The following CPA5 variants were observed in gnomAD, a reference collection of about 807,000 sequenced individuals.
CPA5 encodes carboxypeptidase A5.
In CPA5, 38 loss-of-function variants were observed where a neutral mutation model predicts 52.2. That is an observed-to-expected ratio of 0.73 (90% CI 0.56 to 0.95). CPA5 has a LOEUF of 0.95. Ranked by LOEUF, CPA5 falls within the 40% of genes least tolerant of loss-of-function variation. The pLI is 0.00. For synonymous variants in CPA5, 198 were observed against 213.7 expected (o/e 0.93, Z 0.64); for missense variants, 519 against 566.7 (o/e 0.92, Z 0.86).
downstream of CPA5, among the ~76,000 whole-genome samples, chr7:130,369,229 A>G (rs1398147279): frequency 2.0e-5 from 3 of 152,194 alleles, no homozygotes; most frequent in African/African-American, 7.2e-5. Flanking sequence ...AGCTAGTCAG[A>G]GCCAGCACAT....
chr7:130,363,342 A>T (rs1554407308), intron 9 of CPA5, 77 bp from the exon 10 acceptor site: 4 of 1,258,070 alleles, frequency 3.2e-6, no homozygotes, highest in Non-Finnish European at 4.5e-6. Context: ...CCCTACCCCC[A>T]TAGGCCAGGA....
chr7:130,347,351 C>T lies in CPA5; in HGVS notation c.117-415C>T, dbSNP rs566164365. Among the ~76,000 whole-genome samples the T allele has an allele frequency of 2.5e-4, 38 of 152,316 alleles. No homozygotes were observed. The South Asian group carries it at 4.6e-3, about 18-fold the overall frequency. ...ACAGACCATGGCCTTGGGGCCCCCT[C>T]GCGAAGAGCCCTTGGGGCCACACTG... On this transcript the variant is annotated intron_variant, in intron 3 of 12. Coordinates refer to ENST00000474905, the MANE Select transcript of CPA5 (RefSeq NM_080385.5).
intron 4 of CPA5, 64 bp from the exon 5 acceptor site, chr7:130,349,911 A>G: frequency 6.5e-7 from 1 of 1,532,668 alleles, no homozygotes; most frequent in African/African-American, 1.4e-5. Flanking sequence ...CTCTGTGGTC[A>G]CCTACAGGAT....
chr7:130,360,992 T>C lies in CPA5; in HGVS notation c.433-151T>C. ...CTGAGGGAGTGCTCTATTTTTGCAA[T>C]TCTTTATCTGGGTTCTTTTAGACCC... is the stretch of plus-strand genomic sequence containing the variant. On this transcript the variant is annotated intron_variant, in intron 6 of 12. Coordinates refer to ENST00000474905, the MANE Select transcript of CPA5 (RefSeq NM_080385.5). The C allele has an allele frequency of 5.0e-6, 3 of 596,434 alleles. No homozygotes were observed. In the South Asian group the frequency reaches 6.2e-5, roughly 12 times the overall value. The allele number at this position is 596,434 out of a possible 1,614,324, so 36.9% of individuals were successfully genotyped here. A position where few individuals can be genotyped will look rare whatever the true frequency, so the allele number is the denominator to read the frequency against.
chr7:130,364,221 C>T (rs1447221728), intron 10 of CPA5, among the ~76,000 whole-genome samples: 2 of 152,066 alleles, frequency 1.3e-5, no homozygotes, highest in Non-Finnish European at 2.9e-5. Context: ...GAGACTGAGT[C>T]TTGCTCCATT....
intron 5 of CPA5, among the ~76,000 whole-genome samples, chr7:130,351,895 G>C (rs1795168165): frequency 6.6e-6 from 1 of 152,110 alleles, no homozygotes; most frequent in African/African-American, 2.4e-5. Context: ...TTGCTCGGTT[G>C]GGGAGTTCAG....
At chr7:130,359,464 T>C (rs1795671668) in intron 5 of CPA5, 125 bp from the exon 6 acceptor site, 1 of 656,440 alleles carries the variant, frequency 1.5e-6, no homozygotes, top group East Asian at 2.8e-5. Context: ...CAGTTCACAC[T>C]CATGGTGGCT....
At chr7:130,354,553 CT>C (rs1554404766) in intron 5 of CPA5, among the ~76,000 whole-genome samples, 2 of 151,824 alleles carry the variant, frequency 1.3e-5, no homozygotes, top group East Asian at 1.9e-4. Context: ...ACCACCACCC[CT>C]GGCCAATTTT....
intron 7 of CPA5, 50 bp downstream of exon 7, chr7:130,361,294 C>A: frequency 1.5e-6 from 2 of 1,303,088 alleles, no homozygotes; most frequent in Non-Finnish European, 2.2e-6. Context: ...GGGCCTCTGG[C>A]ATAAGATTGA....
chr7:130,362,573 G>A (rs782080963), intron 8 of CPA5, 34 bp downstream of exon 8: 17 of 1,471,974 alleles, frequency 1.2e-5, no homozygotes, highest in South Asian at 9.2e-5. Flanking sequence ...GTGCACCCAC[G>A]ATGGGGGCTG....
At chr7:130,365,805 C>T (rs920266212) in intron 10 of CPA5, among the ~76,000 whole-genome samples, 4 of 152,264 alleles carry the variant, frequency 2.6e-5, no homozygotes, top group Admixed American at 1.3e-4. Context: ...AAGCCTTCAA[C>T]CTCCCCCCGC....
intron 10 of CPA5, among the ~76,000 whole-genome samples, 198 bp downstream of exon 10, chr7:130,363,707 T>C (rs1035299814): frequency 2.2e-4 from 33 of 152,208 alleles, no homozygotes; most frequent in Non-Finnish European, 3.7e-4. Context: ...GTTGTGTGTG[T>C]GTGTGTTGAG....
At chr7:130,362,640 A>C in intron 8 of CPA5, 101 bp downstream of exon 8, 1 of 835,788 alleles carries the variant, frequency 1.2e-6, no homozygotes, top group Non-Finnish European at 1.9e-6. Flanking sequence ...AGTTACACTC[A>C]GGGTGCTGTC....
At chr7:130,347,677 C>A in intron 3 of CPA5, 89 bp from the exon 4 acceptor site, 1 of 1,126,908 alleles carries the variant, frequency 8.9e-7, no homozygotes, top group Non-Finnish European at 1.3e-6. Flanking sequence ...CTCAGCTGGG[C>A]CTCTGCTCCA....
rs115519176 is a variant in CPA5 at position 130,348,651 on chromosome 7, C to T, written c.198+804C>T. 3.3e-3 allele frequency among the ~76,000 whole-genome samples: 496 copies of T among 152,256 alleles called. 1 individual carries two copies. Among genetic ancestry groups the T allele is most frequent in the African/African-American group, 0.011 (468 of 41,554 alleles). On this transcript the variant is annotated intron_variant, in intron 4 of 12. Transcript: ENST00000474905. ...GCCTCACCTTGAGGACTCTTTAGGGCTCTCTGGATCCTGACGAAGTTGCAA... is the reference window on the plus strand; with the variant it reads ...GCCTCACCTTGAGGACTCTTTAGGGTTCTCTGGATCCTGACGAAGTTGCAA...
At chr7:130,357,604 G>T (rs1194243695) in intron 5 of CPA5, among the ~76,000 whole-genome samples, 2 of 142,820 alleles carry the variant, frequency 1.4e-5, no homozygotes, top group African/African-American at 5.3e-5. Flanking sequence ...GCCTGGCCAA[G>T]AAGAGAGAAA....
chr7:130,349,843 C>A, intron 4 of CPA5, 132 bp from the exon 5 acceptor site: 1 of 1,027,506 alleles, frequency 9.7e-7, no homozygotes, highest in Non-Finnish European at 1.4e-6. Context: ...ACATCACACC[C>A]CCGTCCCCAT....
intron 6 of CPA5, 29 bp downstream of exon 6, chr7:130,359,716 C>T (rs782721456): frequency 1.9e-5 from 29 of 1,511,960 alleles, no homozygotes; most frequent in Non-Finnish European, 2.6e-5. Context: ...GCTCTGGGCT[C>T]TCTTGTGTCT....
chr7:130,351,520 T>C (rs1554403961), intron 5 of CPA5, among the ~76,000 whole-genome samples: 1 of 152,144 alleles, frequency 6.6e-6, no homozygotes, highest in Non-Finnish European at 1.5e-5. Flanking sequence ...CTCAGGAAAA[T>C]GCTCTGACCT....
Sources: gnomAD v4.1 joint callset for allele counts (sites outside exome capture counted in the v4.1 genomes callset) on GRCh38, gnomAD v4.1.1 for gene constraint, MANE v1.5 for transcripts, NCBI Gene and HGNC (gene_info 2026-07-23, HGNC 2026-07-21) for gene names.